FHAD1: variants seen among roughly 807,000 people sequenced by gnomAD.
FHAD1 encodes the protein forkhead associated phosphopeptide binding domain 1, also known as forkhead-associated domain-containing protein 1.
FHAD1 carries 146 observed loss-of-function variants against 191.3 expected under a neutral mutation model. The observed-to-expected ratio is 0.76, with a 90% CI of 0.67 to 0.88. The LOEUF (loss-of-function observed/expected upper bound fraction) is 0.88. Ranked by LOEUF, FHAD1 falls within the 40% of genes least tolerant of loss-of-function variation. The probability of loss-of-function intolerance (pLI) is 0.00; values close to 1 mark genes in which losing one functional copy is unlikely to be tolerated. For synonymous variants in FHAD1, 616 were observed against 672.3 expected, an observed-to-expected ratio of 0.92 and a Z score of 1.29; for missense variants, 1,635 against 1,785.8, an observed-to-expected ratio of 0.92 and a Z score of 1.52.
At chr1:15,372,144 C>T (rs1011779440) in intron 26 of FHAD1, among the ~76,000 whole-genome samples, 2 of 148,888 alleles carry the variant, frequency 1.3e-5, no homozygotes, top group Non-Finnish European at 3.0e-5. Context: ...TGGGGGTGGT[C>T]AGGTGATCAG....
chr1:15,356,347 T>G (rs751510503), intron 20 of FHAD1, among the ~76,000 whole-genome samples: 3 of 152,200 alleles, frequency 2.0e-5, no homozygotes, highest in Non-Finnish European at 2.9e-5. Context: ...GGTCAGCACA[T>G]GCGGTTATAG....
intron 2 of FHAD1, among the ~76,000 whole-genome samples, chr1:15,260,396 A>C (rs1351372979): frequency 2.6e-5 from 4 of 152,240 alleles, no homozygotes; most frequent in Admixed American, 1.3e-4. Flanking sequence ...TTCTATTTAT[A>C]ACAATGAGTG....
intron 17 of FHAD1, 53 bp from the exon 18 acceptor site, chr1:15,345,363 T>C (rs1688480539): frequency 3.3e-6 from 5 of 1,496,984 alleles, no homozygotes; most frequent in Non-Finnish European, 4.6e-6. Context: ...CCTGGCAGAG[T>C]CCAGTTTCCT....
At chr1:15,301,519 C>A in intron 6 of FHAD1, 78 bp downstream of exon 6, 4 of 1,285,812 alleles carry the variant, frequency 3.1e-6, no homozygotes, top group Non-Finnish European at 4.3e-6. Context: ...CCAAGGTGAG[C>A]CACCCAGAGT....
chr1:15,296,662 C>T (rs1667097372), intron 4 of FHAD1, 22 bp from the exon 5 acceptor site: 1 of 1,543,966 alleles, frequency 6.5e-7, no homozygotes, highest in African/African-American at 1.4e-5. Context: ...CTTTTGTGCT[C>T]TCTGCTGATC....
chr1:15,373,188 A>G (rs1698606276), intron 26 of FHAD1, among the ~76,000 whole-genome samples: 1 of 152,148 alleles, frequency 6.6e-6, no homozygotes, highest in South Asian at 2.1e-4. Flanking sequence ...CATGCTTCCA[A>G]ATCTTAAAAG....
Position 15,352,968 on chromosome 1 carries a change from T to C in FHAD1, c.2546T>C (p.Leu849Ser). Reference protein sequence around the residue: ...KKKVQDLENRLTKQKEELELK... With the variant: ...KKKVQDLENRSTKQKEELELK... ...AAGGTGCAAGACCTGGAGAATCGCTTAACCAAGCAGAAAGAGGTATGAGCC... is the reference window on the plus strand; with the variant it reads ...AAGGTGCAAGACCTGGAGAATCGCTCAACCAAGCAGAAAGAGGTATGAGCC... Residue 849 changes from leucine (L) to serine (S), a missense_variant, in exon 20 of 34, where the codon TTA (leucine) becomes TCA (serine). By Grantham distance (145) the Leu-to-Ser change is moderately radical. Transcript: ENST00000688493. 4 of 1,550,954 alleles carry C rather than the reference T, an allele frequency of 2.6e-6. No homozygotes were observed. Among genetic ancestry groups the C allele is most frequent in the Non-Finnish European group, 3.5e-6 (4 of 1,146,738 alleles).
At position 15,341,876 on chromosome 1, in the gene FHAD1, G is replaced by A. The variant is rs75416704; in HGVS notation, c.2118G>A (p.Thr706=). Residue 706 remains threonine, a synonymous_variant, in exon 16 of 34, where the codon ACG becomes ACA. Coordinates refer to ENST00000688493, the MANE Select transcript of FHAD1 (RefSeq NM_001391957.1). ...EKLKAKIRQL[T]EEKAALEEYI... The stretch of plus-strand genomic sequence containing the variant: ...TCAAAGCCAAAATCAGGCAACTGAC[G>A]GAAGAGAAGGCGGTAAGGTGGTCCC... 1,253 of 1,551,454 alleles carry A rather than the reference G, an allele frequency of 8.1e-4. 15 individuals carry two copies. In the African/African-American group the frequency reaches 0.014, roughly 17 times the overall value.
chr1:15,367,751 C>T (rs1696932951), intron 25 of FHAD1, 129 bp downstream of exon 25: 1 of 786,032 alleles, frequency 1.3e-6, no homozygotes, highest in South Asian at 1.8e-5. Context: ...TGTTTCATGG[C>T]TTGGCTTATT....
At chr1:15,352,738 C>T (rs970175470) in intron 19 of FHAD1, 139 bp from the exon 20 acceptor site, 11 of 645,742 alleles carry the variant, frequency 1.7e-5, no homozygotes, top group Non-Finnish European at 2.5e-5. Flanking sequence ...CCTCTGTCCC[C>T]AGTGGGTGCT....
At chr1:15,344,489 A>C (rs1038362114) in intron 16 of FHAD1, among the ~76,000 whole-genome samples, 1 of 152,240 alleles carries the variant, frequency 6.6e-6, no homozygotes, top group African/African-American at 2.4e-5. Context: ...TCAGTTTTGC[A>C]GGTCATATGC....
At chr1:15,303,539 G>A (rs374786797) in intron 6 of FHAD1, among the ~76,000 whole-genome samples, 4 of 152,130 alleles carry the variant, frequency 2.6e-5, no homozygotes, top group East Asian at 3.9e-4. Context: ...ATCTTTCACC[G>A]TGAAATTATC....
At chr1:15,308,229 A>G (rs1671136850) in intron 6 of FHAD1, among the ~76,000 whole-genome samples, 1 of 152,182 alleles carries the variant, frequency 6.6e-6, no homozygotes, top group Non-Finnish European at 1.5e-5. Context: ...AATTAATTTT[A>G]TAACATGCTT....
intron 4 of FHAD1, among the ~76,000 whole-genome samples, chr1:15,291,475 C>T (rs1472366323): frequency 6.6e-6 from 1 of 152,166 alleles, no homozygotes; most frequent in Non-Finnish European, 1.5e-5. Flanking sequence ...AAATAAGTTT[C>T]CTACAGCTGT....
chr1:15,401,848 G>A (rs1375857967), downstream of FHAD1, among the ~76,000 whole-genome samples: 1 of 152,156 alleles, frequency 6.6e-6, no homozygotes, highest in Non-Finnish European at 1.5e-5. Flanking sequence ...TTTCCGTCAG[G>A]TGCACTGCTT....
upstream of FHAD1, among the ~76,000 whole-genome samples, chr1:15,245,870 G>C (rs1168455496): frequency 6.6e-6 from 1 of 152,182 alleles, no homozygotes; most frequent in Non-Finnish European, 1.5e-5. Context: ...ATTTCTAAAA[G>C]CCTCCAGGCA....
At chr1:15,242,924 AT>A (rs1645559088), upstream of FHAD1, among the ~76,000 whole-genome samples, 1 of 152,206 alleles carries the variant, frequency 6.6e-6, no homozygotes, top group African/African-American at 2.4e-5. Context: ...AATAAAATGG[AT>A]TGTTGTATAC....
Position 15,289,559 on chromosome 1 carries a change from G to C in FHAD1, c.461G>C (p.Arg154Thr). 1.3e-6 allele frequency: 2 copies of C among 1,551,748 alleles called. No homozygotes were observed. The highest frequency in any genetic ancestry group is 1.7e-6 in the Non-Finnish European group (2 of 1,147,024). ...MQRSWSQAFP[R>T]PTVVLPASHR... ...AGGAGCTGGTCCCAGGCCTTTCCCAGACCCACCGTGGTCCTGCCGGCCTCC... is the reference window on the plus strand; with the variant it reads ...AGGAGCTGGTCCCAGGCCTTTCCCACACCCACCGTGGTCCTGCCGGCCTCC... Residue 154 changes from arginine (R) to threonine (T), a missense_variant, in exon 4 of 34, where the codon AGA becomes ACA. Coordinates refer to ENST00000688493, the MANE Select transcript of FHAD1 (RefSeq NM_001391957.1). This position sits in a 1 kb window ranked among gnomAD's most constrained non-coding sequence, Gnocchi z 4.2.
At chr1:15,269,324 T>C (rs1654907659) in intron 2 of FHAD1, among the ~76,000 whole-genome samples, 1 of 152,232 alleles carries the variant, frequency 6.6e-6, no homozygotes, top group Non-Finnish European at 1.5e-5. Context: ...CTGTAAGCAC[T>C]GCTTTCACTG....
Sources: gnomAD v4.1 joint callset for allele counts (sites outside exome capture counted in the v4.1 genomes callset) on GRCh38, gnomAD v4.1.1 for gene constraint, Gnocchi (gnomAD v3.1) non-coding constraint, MANE v1.5 for transcripts, NCBI Gene and HGNC (gene_info 2026-07-23, HGNC 2026-07-21) for gene names.